LRP1B: variants seen among roughly 807,000 people sequenced by gnomAD.
The protein encoded by LRP1B is LDL receptor related protein 1B.
In LRP1B, 217 loss-of-function variants were observed where a neutral mutation model predicts 556.6. That is an observed-to-expected ratio of 0.39 (90% CI 0.35 to 0.44). LRP1B has a LOEUF of 0.44. Ranked by LOEUF, LRP1B falls within the 20% of genes least tolerant of loss-of-function variation. The pLI is 1.00. For missense variants in LRP1B, 5,053 were observed against 5,620.8 expected (o/e 0.90, Z 3.23); for synonymous variants, 2,047 against 1,865.8 (o/e 1.10, Z -2.50).
chr2:140,729,898 G>T (rs966518405), intron 35 of LRP1B, among the ~76,000 whole-genome samples: 3 of 152,098 alleles, frequency 2.0e-5, no homozygotes, highest in Admixed American at 6.5e-5. Context: ...CAATAAAAAA[G>T]TTCAGATTCA....
At chr2:141,345,927 A>C (rs1323747385) in intron 3 of LRP1B, among the ~76,000 whole-genome samples, 2 of 151,772 alleles carry the variant, frequency 1.3e-5, no homozygotes, top group African/African-American at 4.8e-5. Context: ...ACTGTCTGAG[A>C]GATTCCCTTA....
rs567976111 is a variant in LRP1B, at chr2:142,003,585, G to A, written c.82+127063C>T. On this transcript the variant is annotated intron_variant, in intron 1 of 90. Transcript: ENST00000389484. ...AGAATGAGCAGGACCACCTAAAGTA[G>A]ATTAAAACTGAACTTCGGGAATGTG... Among the ~76,000 whole-genome samples the A allele has an allele frequency of 5.7e-4, 87 of 152,296 alleles. 1 individual carries two copies. The highest frequency in any genetic ancestry group is 3.1e-3 in the Admixed American group (47 of 15,288).
chr2:140,927,642 T>G (rs1009509125), intron 20 of LRP1B, among the ~76,000 whole-genome samples: 3 of 151,814 alleles, frequency 2.0e-5, no homozygotes, highest in Non-Finnish European at 4.4e-5. Context: ...ATGATAAAAT[T>G]TGTTCTTTTA....
At position 140,769,245 on chromosome 2, in the gene LRP1B, G is replaced by C. The variant is rs79533196; in HGVS notation, c.5726C>G (p.Thr1909Ser). 1.2e-3 allele frequency: 1,873 copies of C among 1,612,106 alleles called. 19 individuals are homozygous for C. In the African/African-American group the frequency reaches 0.02, roughly 17 times the overall value. ...GAAATCTATTCCCACGGCAAATGAAGTTCCTGATATAGGCATCAAAGCATC... is the reference window on the plus strand; with the variant it reads ...GAAATCTATTCCCACGGCAAATGAACTTCCTGATATAGGCATCAAAGCATC... ...KMDALMPISG[T>S]SFAVGIDFHA... The change falls in exon 35 of 91, where the codon ACT (threonine) becomes AGT (serine). Residue 1909 changes from threonine to serine, a missense_variant. By Grantham distance (58) the Thr-to-Ser change is moderately conservative (BLOSUM62 1). This residue lies in a region of LRP1B where 3,619 missense variants were observed against 3,931.9 expected (regional missense o/e 0.92). Coordinates refer to ENST00000389484, the MANE Select transcript of LRP1B (RefSeq NM_018557.3).
At chr2:140,859,384 A>G (rs1439103865) in intron 27 of LRP1B, among the ~76,000 whole-genome samples, 3 of 152,144 alleles carry the variant, frequency 2.0e-5, no homozygotes, top group Non-Finnish European at 4.4e-5. Context: ...GGGAGTATCA[A>G]TAATATTCTT....
At chr2:141,224,025 T>G (rs1267041101) in intron 6 of LRP1B, among the ~76,000 whole-genome samples, 1 of 152,078 alleles carries the variant, frequency 6.6e-6, no homozygotes, top group Non-Finnish European at 1.5e-5. Flanking sequence ...AAGCAAAAAT[T>G]GACGAATGAG....
At chr2:142,018,771 C>G (rs1703233415) in intron 1 of LRP1B, among the ~76,000 whole-genome samples, 1 of 150,618 alleles carries the variant, frequency 6.6e-6, no homozygotes, top group Admixed American at 6.6e-5. Context: ...TAATGAAATT[C>G]CAATCCTGAC....
chr2:141,125,204 G>A (rs1159996792), intron 7 of LRP1B, among the ~76,000 whole-genome samples: 1 of 152,114 alleles, frequency 6.6e-6, no homozygotes, highest in Non-Finnish European at 1.5e-5. Flanking sequence ...TGAAGAAACA[G>A]GATTAAAAAC....
chr2:140,681,530 C>T (rs1246636205), intron 41 of LRP1B, among the ~76,000 whole-genome samples: 1 of 151,950 alleles, frequency 6.6e-6, no homozygotes, highest in African/African-American at 2.4e-5. Context: ...AATGATAGCG[C>T]TTTTAATATT....
chr2:141,675,679 G>GTGTATATATATATATATATATA (rs1553446605), intron 2 of LRP1B, among the ~76,000 whole-genome samples: 11 of 12,524 alleles, frequency 8.8e-4, no homozygotes, highest in African/African-American at 1.8e-3. Context: ...AATTTATTTG[G>GTGTATATATATATATATATATA]TATATATATA....
At chr2:141,627,930 G>A (rs1678530702) in intron 2 of LRP1B, among the ~76,000 whole-genome samples, 1 of 152,168 alleles carries the variant, frequency 6.6e-6, no homozygotes, top group African/African-American at 2.4e-5. Context: ...TGGATCAATG[G>A]AGATGAAGCT....
intron 3 of LRP1B, among the ~76,000 whole-genome samples, chr2:141,265,092 T>C (rs143736804): frequency 6.6e-6 from 1 of 152,194 alleles, no homozygotes; most frequent in East Asian, 1.9e-4. Context: ...ACAAACTCTC[T>C]CGAGACTCCC....
chr2:140,500,144 T>C (rs945257347), intron 55 of LRP1B, among the ~76,000 whole-genome samples: 1 of 152,014 alleles, frequency 6.6e-6, no homozygotes, highest in South Asian at 2.1e-4. Context: ...GTTCATATTC[T>C]AAGTTTACAA....
intron 12 of LRP1B, among the ~76,000 whole-genome samples, chr2:141,016,892 T>C (rs1296114998): frequency 1.3e-5 from 2 of 152,140 alleles, no homozygotes; most frequent in Admixed American, 1.3e-4. Context: ...TAAGAATTTC[T>C]AAGTGCATTT....
intron 29 of LRP1B, among the ~76,000 whole-genome samples, chr2:140,844,822 G>A (rs1692226154): frequency 6.6e-6 from 1 of 152,098 alleles, no homozygotes; most frequent in Non-Finnish European, 1.5e-5. Context: ...AACTCAACAT[G>A]CTAACACACA....
intron 86 of LRP1B, among the ~76,000 whole-genome samples, chr2:140,250,761 A>T (rs1681375535): frequency 6.6e-6 from 1 of 151,808 alleles, no homozygotes; most frequent in Non-Finnish European, 1.5e-5. Context: ...CTTCATTTCA[A>T]CAAGGTGAAT....
At chr2:140,246,368 G>A (rs1681161250) in intron 87 of LRP1B, among the ~76,000 whole-genome samples, 1 of 151,182 alleles carries the variant, frequency 6.6e-6, no homozygotes, top group South Asian at 2.1e-4. Flanking sequence ...TCAAATTAAT[G>A]ACAACATGTG....
chr2:141,307,814 C>T (rs148222251), intron 3 of LRP1B, among the ~76,000 whole-genome samples: 2 of 152,146 alleles, frequency 1.3e-5, no homozygotes, highest in Non-Finnish European at 2.9e-5. Flanking sequence ...GATAGGTTGT[C>T]GAGGTGCTGG....
chr2:140,370,902 AAAATAAACATGCAGCTTGT>A, intron 70 of LRP1B, 60 bp from the exon 71 acceptor site: 1 of 1,556,294 alleles, frequency 6.4e-7, no homozygotes, highest in Non-Finnish European at 8.8e-7. Context: ...AATCATGGGC[AAAATAAACATGCAGCTTGT>A]AATACTAGAG....
Sources: gnomAD v4.1 joint callset for allele counts (sites outside exome capture counted in the v4.1 genomes callset) on GRCh38, gnomAD v4.1.1 for gene constraint, gnomAD v4.1.1 regional missense constraint, MANE v1.5 for transcripts, NCBI Gene and HGNC (gene_info 2026-07-23, HGNC 2026-07-21) for gene names.